The following MLX variants were observed in gnomAD, a reference collection of about 807,000 sequenced individuals.
MLX encodes max-like protein X.
MLX carries 15 observed loss-of-function variants against 33.0 expected under a neutral mutation model. That is an observed-to-expected ratio of 0.45 (90% confidence interval 0.30 to 0.70). MLX has a LOEUF of 0.70. Among genes scored for constraint, MLX ranks in the 30% least tolerant of loss-of-function variants. The pLI is 0.07. For missense variants in MLX, 285 were observed against 306.3 expected (o/e 0.93, Z 0.52); for synonymous variants, 115 against 115.6 (o/e 0.99, Z 0.03).
chr17:42,567,502 AG>A, intron 1 of MLX, 116 bp from the exon 2 acceptor site: 3 of 1,543,004 alleles, frequency 1.9e-6, no homozygotes, highest in Non-Finnish European at 2.6e-6. Context: ...GCAAGCGCGC[AG>A]GGTGACAGAG....
In MLX at chr17:42,573,136, C is replaced by T; in HGVS notation, c.*1533C>T. The stretch of plus-strand genomic sequence containing the variant: ...AACTGCTTCTTGCTCTTGGGGTATC[C>T]TTCAAGTATTGCATCAGACAGCTCT... On this transcript the variant is annotated 3_prime_UTR_variant, in exon 8 of 8. Transcript: ENST00000435881. The T allele has an allele frequency of 6.2e-7, 1 of 1,614,230 alleles. No homozygotes were observed. The highest frequency in any genetic ancestry group is 8.5e-7 in the Non-Finnish European group (1 of 1,180,034).
At chr17:42,569,096 A>G (rs1464007934) in intron 4 of MLX, 108 bp from the exon 5 acceptor site, 4 of 1,298,064 alleles carry the variant, frequency 3.1e-6, no homozygotes, top group Admixed American at 1.7e-5. Context: ...CAGCCTTCCC[A>G]CCCCATTGAG....
Position 42,571,873 on chromosome 17 carries a change from G to A in MLX, c.*270G>A, listed in dbSNP as rs8112. On this transcript the variant is annotated 3_prime_UTR_variant, in exon 8 of 8. Coordinates refer to ENST00000435881, the MANE Select transcript of MLX (RefSeq NM_198204.2). ...CTCCATGGAAGTCCTTGGGATGGGC[G>A]TCTGCTCTGGACACCCCAAAGAGCT... 1.0e-4 allele frequency: 50 copies of A among 491,312 alleles called. No homozygotes were observed. The highest frequency in any genetic ancestry group is 7.0e-4 in the African/African-American group (36 of 51,420). 30.4% of individuals were successfully genotyped at this position (491,312 alleles called of 1,614,324 possible).
intron 7 of MLX, among the ~76,000 whole-genome samples, chr17:42,570,978 G>A (rs1294150124): frequency 2.0e-5 from 3 of 152,004 alleles, no homozygotes; most frequent in Admixed American, 2.0e-4. Flanking sequence ...TTTTTATTGT[G>A]AAACACATTA....
chr17:42,567,740 A>G, intron 2 of MLX, 85 bp downstream of exon 2: 1 of 1,569,922 alleles, frequency 6.4e-7, no homozygotes, highest in Non-Finnish European at 8.8e-7. Context: ...ACCACGCCTG[A>G]GCACAGTCCA....
At chr17:42,569,896 C>T in intron 6 of MLX, 86 bp from the exon 7 acceptor site, 2 of 1,313,844 alleles carry the variant, frequency 1.5e-6, no homozygotes, top group Non-Finnish European at 2.2e-6. Flanking sequence ...GGCTGCCATT[C>T]CTGGGAGTAC....
intron 1 of MLX, 172 bp downstream of exon 1, chr17:42,567,338 C>T (rs2143243266): frequency 7.1e-7 from 1 of 1,404,176 alleles, no homozygotes; most frequent in Non-Finnish European, 9.3e-7. Flanking sequence ...GGTGGGGAGA[C>T]AAACGAGGCG....
Position 42,570,025 on chromosome 17 carries a change from G to A in MLX, c.520G>A (p.Glu174Lys). Residue 174 changes from glutamate (E) to lysine (K), a missense_variant, in exon 7 of 8, where the codon GAA becomes AAA. Physicochemically the swap from Glu to Lys is moderately conservative, Grantham distance 56 (BLOSUM62 1). Transcript: ENST00000435881. ...GAAGGCACACCAGGACAACCCCCAT[G>A]AAGGGGAGGACCAGGTCTCTGACCA... ...IVKAHQDNPH[E>K]GEDQVSDQVK... 1 of 1,614,160 alleles carries A rather than the reference G, an allele frequency of 6.2e-7. No individual in the cohort carries two copies. The highest frequency in any genetic ancestry group is 8.5e-7 in the Non-Finnish European group (1 of 1,180,040).
chr17:42,571,076 T>A (rs1434391535), intron 7 of MLX, among the ~76,000 whole-genome samples: 1 of 151,950 alleles, frequency 6.6e-6, no homozygotes, highest in African/African-American at 2.4e-5. Flanking sequence ...TATATTTCCA[T>A]CTCTCCATCT....
rs763760312 is a variant in MLX, at chr17:42,567,628, G to T, written c.52G>T (p.Ala18Ser). 70 of 1,613,994 alleles carry T rather than the reference G, an allele frequency of 4.3e-5. 1 individual carries two copies. In the East Asian group the frequency reaches 1.6e-3, roughly 36 times the overall value. ...PEDPWVKVEY[A>S]YSDNSLDPGL... ...GTGCTCTGTGCCGCAGGTGGAGTAT[G>T]CCTACAGCGACAACAGCCTGGACCC... is the stretch of plus-strand genomic sequence containing the variant. The change falls in exon 2 of 8, where the codon GCC (alanine) becomes TCC (serine). Residue 18 changes from alanine (A) to serine (S), a missense_variant. Transcript: ENST00000435881.
At position 42,571,569 on chromosome 17, in the gene MLX, G is replaced by A; in HGVS notation, c.701G>A (p.Gly234Asp). The A allele has an allele frequency of 6.2e-7, 1 of 1,614,134 alleles. No individual in the cohort carries two copies. The highest frequency in any genetic ancestry group is 1.1e-5 in the South Asian group (1 of 91,076). The part of the protein sequence containing the change: ...KPQTLREIVI[G>D]VLHQLKNQLY The stretch of plus-strand genomic sequence containing the variant: ...CAGACCCTGCGGGAGATTGTGATTG[G>A]CGTCCTGCACCAATTGAAAAACCAG... Residue 234 changes from glycine to aspartate, a missense_variant, in exon 8 of 8, where the codon GGC becomes GAC. Coordinates refer to ENST00000435881, the MANE Select transcript of MLX (RefSeq NM_198204.2).
chr17:42,570,277 G>A, intron 7 of MLX, 94 bp downstream of exon 7: 1 of 1,265,062 alleles, frequency 7.9e-7, no homozygotes, highest in Non-Finnish European at 1.1e-6. Flanking sequence ...CGTGGCAGCT[G>A]CTTTTAGATC....
intron 5 of MLX, 78 bp from the exon 6 acceptor site, chr17:42,569,429 A>C: frequency 6.7e-7 from 1 of 1,500,794 alleles, no homozygotes; most frequent in South Asian, 1.1e-5. Flanking sequence ...GGTCTGGGGT[A>C]AGGGGAACAA....
At chr17:42,568,292 G>A (rs1285455329) in intron 2 of MLX, 178 bp from the exon 3 acceptor site, 5 of 343,658 alleles carry the variant, frequency 1.5e-5, no homozygotes, top group Non-Finnish European at 2.2e-5. Context: ...GAACCTGGGA[G>A]GCGGAGCTTG....
At position 42,572,717 on chromosome 17, in the gene MLX, T is replaced by G; in HGVS notation, c.*1114T>G. The G allele has an allele frequency of 1.7e-6, 1 of 602,894 alleles. No individual in the cohort carries two copies. The highest frequency in any genetic ancestry group is 3.1e-6 in the Non-Finnish European group (1 of 324,140). The allele number at this position is 602,894 out of a possible 1,614,324, so 37.3% of individuals were successfully genotyped here. ...TATTGCCAAATGCTTTCCTTTAGCA[T>G]TGTTCCAAGTCTAAATGTTAACCTC... On this transcript the variant is annotated 3_prime_UTR_variant, in exon 8 of 8. Coordinates refer to ENST00000435881, the MANE Select transcript of MLX (RefSeq NM_198204.2).
intron 7 of MLX, among the ~76,000 whole-genome samples, chr17:42,570,386 C>T (rs1038788696): frequency 1.3e-5 from 2 of 152,160 alleles, no homozygotes; most frequent in African/African-American, 4.8e-5. Context: ...GCAAGTGTGA[C>T]GTGAGCTCAA....
chr17:42,569,377 C>T (rs2093021759), intron 5 of MLX, 74 bp downstream of exon 5: 3 of 1,533,408 alleles, frequency 2.0e-6, no homozygotes, highest in Middle Eastern at 1.7e-4. Context: ...CCTACCCACC[C>T]ATGGCTCGGC....
intron 6 of MLX, 43 bp downstream of exon 6, chr17:42,569,649 A>G (rs2093022881): frequency 6.9e-7 from 1 of 1,448,504 alleles, no homozygotes; most frequent in Non-Finnish European, 9.7e-7. Context: ...CTTCTGAGGC[A>G]ACTTCATTGC....
At chr17:42,569,725 C>A in intron 6 of MLX, 119 bp downstream of exon 6, 1 of 837,274 alleles carries the variant, frequency 1.2e-6, no homozygotes, top group Non-Finnish European at 2.0e-6. Context: ...AGTTCCTGAG[C>A]TAGCCAGTAG....
Sources: allele counts gnomAD v4.1 joint callset (sites outside exome capture counted in the v4.1 genomes callset), GRCh38; gene constraint gnomAD v4.1.1; transcripts MANE v1.5; gene names NCBI Gene and HGNC (gene_info 2026-07-23, HGNC 2026-07-21).